ILKAP: variants seen among roughly 807,000 people sequenced by gnomAD.
The protein encoded by ILKAP is ILK associated serine/threonine phosphatase.
In ILKAP, 11 loss-of-function variants were observed where a neutral mutation model predicts 49.1. The ratio of observed to expected loss-of-function variants is 0.22; its 90% CI spans 0.14 to 0.37. ILKAP has a LOEUF of 0.37. Ranked by LOEUF, ILKAP falls within the 10% of genes least tolerant of loss-of-function variation. The probability of loss-of-function intolerance (pLI) is 1.00; values close to 1 mark genes in which losing one functional copy is unlikely to be tolerated. For missense variants in ILKAP, 363 were observed against 510.8 expected (o/e 0.71, Z 2.79); for synonymous variants, 186 against 192.8 (o/e 0.96, Z 0.29).
intron 8 of ILKAP, among the ~76,000 whole-genome samples, chr2:238,183,226 G>A (rs1693769457): frequency 6.6e-6 from 1 of 152,160 alleles, no homozygotes; most frequent in Non-Finnish European, 1.5e-5. Context: ...TCTAGCTACA[G>A]CTCTCAAGTT....
chr2:238,187,174 G>A (rs1453059527), intron 5 of ILKAP: 1 of 152,234 alleles, frequency 6.6e-6, no homozygotes, highest in Admixed American at 6.5e-5. Flanking sequence ...GACTGCTTGA[G>A]CCTAGGAGGT....
chr2:238,185,070 C>T, intron 6 of ILKAP, 111 bp downstream of exon 6: 1 of 687,132 alleles, frequency 1.5e-6, no homozygotes, highest in South Asian at 1.8e-5. Context: ...TCTTTTAAGA[C>T]TCATCAATGA....
intron 3 of ILKAP, among the ~76,000 whole-genome samples, 182 bp downstream of exon 3, chr2:238,194,093 G>C (rs1694252517): frequency 6.6e-6 from 1 of 152,192 alleles, no homozygotes; most frequent in East Asian, 1.9e-4. Context: ...TCACCAGAAA[G>C]TGATACAGTA....
chr2:238,172,182 G>A (rs1693250998), intron 10 of ILKAP, among the ~76,000 whole-genome samples: 1 of 152,062 alleles, frequency 6.6e-6, no homozygotes, highest in African/African-American at 2.4e-5. Context: ...CTCCTGAGTA[G>A]CTGGGATTAC....
chr2:238,202,829 G>A (rs6742224), intron 1 of ILKAP, among the ~76,000 whole-genome samples: 40,950 of 150,592 alleles, frequency 0.27, 5,934 homozygotes, highest in South Asian at 0.37. Context: ...AGGGGCCAGC[G>A]CTTAGGAGAT....
intron 1 of ILKAP, among the ~76,000 whole-genome samples, chr2:238,195,768 C>T (rs532769734): frequency 6.6e-5 from 10 of 152,214 alleles, no homozygotes; most frequent in Admixed American, 2.6e-4. Flanking sequence ...TTACGCCAGG[C>T]GCAGTGGCTC....
rs749224850 is a variant in ILKAP at position 238,171,061 on chromosome 2, C to G, written c.957-37G>C. On this transcript the variant is annotated intron_variant, in intron 10 of 11. Transcript: ENST00000254654. ...GGGAGAAATATAAACGGGTTTTAGGCCCAACCAAAAAATAAAAAATAAAAA... is the reference window on the plus strand; with the variant it reads ...GGGAGAAATATAAACGGGTTTTAGGGCCAACCAAAAAATAAAAAATAAAAA... The G allele has an allele frequency of 2.6e-5, 38 of 1,434,292 alleles. No individual in the cohort carries two copies. In the African/African-American group the frequency reaches 5.2e-4, roughly 20 times the overall value. The allele number at this position is 1,434,292 out of a possible 1,614,324, so 88.8% of individuals were successfully genotyped here.
At chr2:238,197,747 T>C (rs1030013408) in intron 1 of ILKAP, among the ~76,000 whole-genome samples, 1 of 152,170 alleles carries the variant, frequency 6.6e-6, no homozygotes, top group Non-Finnish European at 1.5e-5. Context: ...GAGAGGTATT[T>C]CAATTAAACA....
At chr2:238,193,243 CAG>C (rs1375600428) in intron 3 of ILKAP, among the ~76,000 whole-genome samples, 6 of 151,918 alleles carry the variant, frequency 3.9e-5, no homozygotes, top group African/African-American at 1.4e-4. Flanking sequence ...TTTTTGGAGA[CAG>C]AGTCTTTCTC....
Position 238,191,352 on chromosome 2 carries a change from T to C in ILKAP, c.179-1380A>G, listed in dbSNP as rs1033642749. On this transcript the variant is annotated intron_variant, in intron 3 of 11. Transcript: ENST00000254654. ...ACGGAGTTTCACCATGTTGGGTAGGTTGGTCTTGAACCGCCTGTGTCAGAC... is the reference window on the plus strand; with the variant it reads ...ACGGAGTTTCACCATGTTGGGTAGGCTGGTCTTGAACCGCCTGTGTCAGAC... Among the ~76,000 whole-genome samples the C allele has an allele frequency of 2.0e-5, 3 of 152,132 alleles. No homozygotes were observed. The East Asian group carries it at 5.8e-4, about 29-fold the overall frequency.
At chr2:238,173,813 AG>A in intron 9 of ILKAP, 160 bp from the exon 10 acceptor site, 2 of 905,136 alleles carry the variant, frequency 2.2e-6, no homozygotes, top group South Asian at 3.5e-5. Flanking sequence ...TCAAATATGC[AG>A]GGGTGTCTAG....
intron 1 of ILKAP, among the ~76,000 whole-genome samples, chr2:238,203,078 A>G (rs1365258216): frequency 6.6e-6 from 1 of 151,698 alleles, no homozygotes; most frequent in Non-Finnish European, 1.5e-5. Flanking sequence ...CCGCGGGTGA[A>G]GTGCGGCCCG....
chr2:238,187,530 C>T (rs977281390), intron 5 of ILKAP, among the ~76,000 whole-genome samples: 3 of 152,132 alleles, frequency 2.0e-5, no homozygotes, highest in Non-Finnish European at 2.9e-5. Flanking sequence ...AAGAGCTTAT[C>T]CAGAAGGCTT....
chr2:238,177,949 G>T (rs892271710), intron 9 of ILKAP, among the ~76,000 whole-genome samples: 2 of 152,016 alleles, frequency 1.3e-5, no homozygotes, highest in African/African-American at 4.8e-5. Flanking sequence ...ATGCACAGGG[G>T]TTCTCATTTT....
rs2305172 is a variant in ILKAP, at chr2:238,185,081, T to C, written c.532+100A>G. On this transcript the variant is annotated intron_variant, in intron 6 of 11. Coordinates refer to ENST00000254654, the MANE Select transcript of ILKAP (RefSeq NM_030768.3). ...CCACTCTTTTAAGACTCATCAATGA[T>C]TCTCTGCTAAAGCCAAAATAACACA... 6.8e-6 allele frequency: 5 copies of C among 732,234 alleles called. No homozygotes were observed. In the East Asian group the frequency reaches 1.3e-4, roughly 20 times the overall value. The allele number at this position is 732,234 out of a possible 1,614,324, so 45.4% of individuals were successfully genotyped here. A position where few individuals can be genotyped will look rare whatever the true frequency, so the allele number is the denominator to read the frequency against.
intron 1 of ILKAP, among the ~76,000 whole-genome samples, chr2:238,196,282 G>A (rs1694345305): frequency 6.6e-6 from 1 of 151,928 alleles, no homozygotes; most frequent in Admixed American, 6.6e-5. Flanking sequence ...GTAGAGACAT[G>A]GTCTCACCAT....
At chr2:238,175,566 C>T (rs899351686) in intron 9 of ILKAP, among the ~76,000 whole-genome samples, 1 of 152,152 alleles carries the variant, frequency 6.6e-6, no homozygotes, top group African/African-American at 2.4e-5. Context: ...GTAGGATGTG[C>T]ACATTCAAAT....
At chr2:238,193,125 A>G (rs999769771) in intron 3 of ILKAP, among the ~76,000 whole-genome samples, 1 of 152,256 alleles carries the variant, frequency 6.6e-6, no homozygotes, top group African/African-American at 2.4e-5. Context: ...TAAATTTTTT[A>G]CTACTTTGCC....
intron 9 of ILKAP, among the ~76,000 whole-genome samples, chr2:238,181,461 C>G (rs1303627429): frequency 6.6e-6 from 1 of 152,162 alleles, no homozygotes; most frequent in Non-Finnish European, 1.5e-5. Context: ...TGAAATGAAA[C>G]TGCAAAAGAC....
Sources: allele counts gnomAD v4.1 joint callset (sites outside exome capture counted in the v4.1 genomes callset), GRCh38; gene constraint gnomAD v4.1.1; transcripts MANE v1.5; gene names NCBI Gene and HGNC (gene_info 2026-07-23, HGNC 2026-07-21).